MAPK8: variants seen among roughly 807,000 people sequenced by gnomAD.
The protein encoded by MAPK8 is JUN N-terminal kinase.
In MAPK8, 13 loss-of-function variants were observed where a neutral mutation model predicts 52.9. That is an observed-to-expected ratio of 0.25 (90% CI 0.16 to 0.39). The LOEUF is 0.39. Among genes scored for constraint, MAPK8 ranks in the 10% least tolerant of loss-of-function variants. The probability of loss-of-function intolerance (pLI) is 1.00; values close to 1 mark genes in which losing one functional copy is unlikely to be tolerated. For missense variants in MAPK8, 300 were observed against 519.2 expected (o/e 0.58, Z 4.10); for synonymous variants, 191 against 169.8 (o/e 1.12, Z -0.97).
chr10:48,425,644 C>T (rs2043634970), intron 7 of MAPK8: 1 of 364,434 alleles, frequency 2.7e-6, no homozygotes, highest in Non-Finnish European at 4.9e-6. Flanking sequence ...TGAGTTTAAG[C>T]TTCCATTTTA....
chr10:48,433,651 C>A (rs2044566056), intron 11 of MAPK8, among the ~76,000 whole-genome samples: 1 of 152,102 alleles, frequency 6.6e-6, no homozygotes, highest in Admixed American at 6.6e-5. Context: ...TATCCCAGTC[C>A]CCTCCCTAAA....
intron 1 of MAPK8, among the ~76,000 whole-genome samples, chr10:48,371,819 A>G (rs922055974): frequency 6.6e-6 from 1 of 152,142 alleles, no homozygotes; most frequent in Non-Finnish European, 1.5e-5. Flanking sequence ...GGTTCCCATG[A>G]TCCGCTCCTT....
At chr10:48,335,994 G>A (rs574118295) in intron 1 of MAPK8, among the ~76,000 whole-genome samples, 15 of 152,156 alleles carry the variant, frequency 9.9e-5, no homozygotes, top group African/African-American at 1.7e-4. Flanking sequence ...AGTGAGGCCT[G>A]CAGATCTTTC....
intron 1 of MAPK8, among the ~76,000 whole-genome samples, chr10:48,369,544 A>C (rs2071352423): frequency 6.6e-6 from 1 of 152,172 alleles, no homozygotes. Context: ...GCAGAGGGAA[A>C]AGCTCAATAG....
intron 1 of MAPK8, among the ~76,000 whole-genome samples, chr10:48,370,044 T>A (rs778151818): frequency 1.3e-5 from 2 of 152,178 alleles, no homozygotes; most frequent in Non-Finnish European, 2.9e-5. Flanking sequence ...TTTTAAAATA[T>A]CAGGGTCTTG....
intron 1 of MAPK8, among the ~76,000 whole-genome samples, chr10:48,380,442 C>G (rs1021281804): frequency 2.0e-5 from 3 of 152,010 alleles, no homozygotes; most frequent in African/African-American, 7.3e-5. Flanking sequence ...GTTTAAAACA[C>G]TAGATATGGC....
intron 5 of MAPK8, among the ~76,000 whole-genome samples, chr10:48,419,822 G>A (rs142758720): frequency 5.3e-5 from 8 of 152,264 alleles, no homozygotes; most frequent in African/African-American, 1.7e-4. Context: ...GCTAACTTAT[G>A]ACTTTCTTTT....
At chr10:48,401,474 T>C (rs762932986) in intron 1 of MAPK8, 138 bp from the exon 2 acceptor site, 25 of 527,094 alleles carry the variant, frequency 4.7e-5, no homozygotes, top group Non-Finnish European at 6.7e-5. Context: ...GTATTTTTTT[T>C]CTTATGTTTT....
intron 1 of MAPK8, among the ~76,000 whole-genome samples, chr10:48,316,516 C>A (rs1367569951): frequency 1.3e-5 from 2 of 152,056 alleles, no homozygotes; most frequent in African/African-American, 4.8e-5. Flanking sequence ...GAGGCAGCTC[C>A]CGGAAATATA....
intron 1 of MAPK8, among the ~76,000 whole-genome samples, chr10:48,368,189 C>T (rs1398309685): frequency 6.6e-6 from 1 of 152,180 alleles, no homozygotes; most frequent in Non-Finnish European, 1.5e-5. Flanking sequence ...GTGTGCTATG[C>T]AATTCTGGGA....
At chr10:48,353,926 T>C (rs1846584832) in intron 1 of MAPK8, among the ~76,000 whole-genome samples, 2 of 152,320 alleles carry the variant, frequency 1.3e-5, no homozygotes, top group Admixed American at 1.3e-4. Flanking sequence ...GTAGTCTTTG[T>C]GGCGATGGAA....
intron 1 of MAPK8, among the ~76,000 whole-genome samples, chr10:48,380,990 C>G (rs1377786366): frequency 6.6e-6 from 1 of 152,088 alleles, no homozygotes; most frequent in Non-Finnish European, 1.5e-5. Flanking sequence ...CTAATAAAGG[C>G]AGCATGAGCT....
intron 5 of MAPK8, among the ~76,000 whole-genome samples, chr10:48,410,747 A>G (rs962113889): frequency 6.6e-6 from 1 of 152,212 alleles, no homozygotes; most frequent in Non-Finnish European, 1.5e-5. Context: ...CATTCCCACT[A>G]GCAGTGTATG....
intron 5 of MAPK8, among the ~76,000 whole-genome samples, chr10:48,417,083 C>T (rs1327695903): frequency 6.6e-6 from 1 of 152,150 alleles, no homozygotes; most frequent in African/African-American, 2.4e-5. Context: ...ATGCCAGTAG[C>T]ACTCCCCAGT....
intron 3 of MAPK8, among the ~76,000 whole-genome samples, chr10:48,408,147 C>G (rs969261401): frequency 6.6e-6 from 1 of 152,318 alleles, no homozygotes. Flanking sequence ...TTCCCATCCC[C>G]AAGTATCATC....
intron 3 of MAPK8, among the ~76,000 whole-genome samples, chr10:48,408,534 CA>C (rs1374368442): frequency 2.0e-5 from 3 of 152,272 alleles, no homozygotes; most frequent in Admixed American, 6.5e-5. Flanking sequence ...TAGGACTTAG[CA>C]GGAGATGAAG....
intron 1 of MAPK8, among the ~76,000 whole-genome samples, chr10:48,312,968 A>G (rs1297654614): frequency 6.6e-6 from 1 of 152,234 alleles, no homozygotes; most frequent in Non-Finnish European, 1.5e-5. Context: ...GATAGTTTAT[A>G]TATGTTTAAG....
chr10:48,437,305 A>G lies in MAPK8; in HGVS notation c.*2276A>G, dbSNP rs2044930142. ...TTTTCGTCTTAAATTTGTTAAGCTA[A>G]ATATATGTTGGTTCTTTTTATTTTG... On this transcript the variant is annotated 3_prime_UTR_variant, in exon 12 of 12. Transcript: ENST00000374189. 6.6e-6 allele frequency: 1 copy of G among 152,220 alleles called. No homozygotes were observed. Among genetic ancestry groups the G allele is most frequent in the African/African-American group, 2.4e-5 (1 of 41,464 alleles). 9.4% of individuals were successfully genotyped at this position (152,220 alleles called of 1,614,324 possible).
rs76667221 is a variant in MAPK8, at chr10:48,390,840, A to G, written c.-49-10772A>G. 4.7e-3 allele frequency among the ~76,000 whole-genome samples: 720 copies of G among 152,260 alleles called. 17 individuals carry two copies. In the East Asian group the frequency reaches 0.092, roughly 19 times the overall value. ...TTACATTTTGGTTAACTTTTTTAGC[A>G]GTTGTTTGTTCTAACTCTGTGAAGA... On this transcript the variant is annotated intron_variant, in intron 1 of 11. Transcript: ENST00000374189.
Sources: allele counts gnomAD v4.1 joint callset (sites outside exome capture counted in the v4.1 genomes callset), GRCh38; gene constraint gnomAD v4.1.1; transcripts MANE v1.5; gene names NCBI Gene and HGNC (gene_info 2026-07-23, HGNC 2026-07-21).